The following CEP41 variants were observed in gnomAD, a reference collection of about 807,000 sequenced individuals.
CEP41 encodes centrosomal protein 41.
CEP41 carries 32 observed loss-of-function variants against 44.3 expected under a neutral mutation model. The observed-to-expected ratio is 0.72, with a 90% CI of 0.54 to 0.97. The LOEUF (loss-of-function observed/expected upper bound fraction) is 0.97, where lower values mean the gene tolerates loss of function less well. CEP41 is among the 50% of genes least tolerant of loss of function. CEP41 has a pLI of 0.00. For missense variants in CEP41, 432 were observed against 455.2 expected, an observed-to-expected ratio of 0.95 and a Z score of 0.46; for synonymous variants, 151 against 168.5, an observed-to-expected ratio of 0.90 and a Z score of 0.80.
chr7:130,410,271 C>T (rs1562983485), intron 5 of CEP41, among the ~76,000 whole-genome samples: 1 of 151,958 alleles, frequency 6.6e-6, no homozygotes, highest in Non-Finnish European at 1.5e-5. Context: ...TCGTGATCTG[C>T]CCGCCTTGGC....
rs147207980 is a variant in CEP41, at chr7:130,395,995, C to T, written c.*2896G>A. ...CAGCCCAGGGTGTTCCTTTTGTTTT[C>T]AAATAAGTAATGTAGCTTTCTCCTT... On this transcript the variant is annotated 3_prime_UTR_variant, in exon 11 of 11. Coordinates refer to ENST00000223208, the MANE Select transcript of CEP41 (RefSeq NM_018718.3). 337 of 453,884 alleles carry T rather than the reference C, an allele frequency of 7.4e-4. 2 individuals are homozygous for T. The East Asian group carries it at 0.022, about 30-fold the overall frequency. The allele number at this position is 453,884 out of a possible 1,614,324, so 28.1% of individuals were successfully genotyped here.
Position 130,412,188 on chromosome 7 carries a change from A to C in CEP41, c.198T>G (p.Phe66Leu). ...ELFKRLKVTTFAQLIIQVASL... is the reference protein window; with the variant it reads ...ELFKRLKVTTLAQLIIQVASL... Reference sequence around the variant, plus strand: ...AAATCAAGAAACTTACCAGCTGGGCAAAAGTTGTAACTTTTAGTCTCTTGA... The same window carrying C: ...AAATCAAGAAACTTACCAGCTGGGCCAAAGTTGTAACTTTTAGTCTCTTGA... Residue 66 changes from phenylalanine (F) to leucine (L), a missense_variant, in exon 4 of 11, where the codon TTT (phenylalanine) becomes TTG (leucine). Phe to Leu is a conservative substitution (Grantham distance 22). Transcript: ENST00000223208. 6.5e-7 allele frequency: 1 copy of C among 1,549,808 alleles called. No homozygotes were observed. Among genetic ancestry groups the C allele is most frequent in the South Asian group, 1.1e-5 (1 of 89,736 alleles).
intron 1 of CEP41, 119 bp downstream of exon 1, chr7:130,440,795 CTGCATCCCGACCCCTCCTCA>C: frequency 6.9e-6 from 5 of 727,036 alleles, no homozygotes; most frequent in Non-Finnish European, 9.6e-6. Context: ...CGCCCCGCCC[CTGCATCCCGACCCCTCCTCA>C]CGCCGGCCCC....
intron 1 of CEP41, among the ~76,000 whole-genome samples, chr7:130,428,317 G>C (rs940004576): frequency 1.3e-5 from 2 of 151,328 alleles, no homozygotes; most frequent in South Asian, 2.1e-4. Flanking sequence ...CCAGCTACTC[G>C]GGAGGCCGAG....
In CEP41 at chr7:130,401,900, G is replaced by A; in HGVS notation, c.623C>T (p.Ser208Leu). The A allele has an allele frequency of 6.2e-7, 1 of 1,607,180 alleles. No homozygotes were observed. The highest frequency in any genetic ancestry group is 8.5e-7 in the Non-Finnish European group (1 of 1,173,808). Residue 208 changes from serine (S) to leucine (L), a missense_variant, in exon 8 of 11, where the codon TCA becomes TTA. By Grantham distance (145) the Ser-to-Leu change is moderately radical. Coordinates refer to ENST00000223208, the MANE Select transcript of CEP41 (RefSeq NM_018718.3). ...ATLSRTMNPY[S>L]NDILEYKNAH... is the part of the protein sequence containing the mutation. ...GGATACATATTCAAGAATATCATTT[G>A]AATAAGGGTTCATTGTTCTAGACAG...
rs139123547 is a variant in CEP41, at chr7:130,400,156, G to A, written c.856C>T (p.Arg286Ter). The change falls in exon 10 of 11, where the codon CGA (arginine) becomes TGA (stop). Residue 286 changes from arginine to a stop codon, truncating the protein, a stop_gained. Coordinates refer to ENST00000223208, the MANE Select transcript of CEP41 (RefSeq NM_018718.3). LOFTEE classifies it high-confidence loss of function. ...AGGGGTGGCCCTTTGGGGCTGGATC[G>A]TTTCCGGGCAGACCCAGGAGGAAGG... is the stretch of plus-strand genomic sequence containing the variant. The part of the protein sequence containing the change: ...QALPPGSARK[R>*]SSPKGPPLPA... 1.3e-5 allele frequency: 21 copies of A among 1,613,724 alleles called. No homozygotes were observed. The highest frequency in any genetic ancestry group is 2.2e-5 in the East Asian group (1 of 44,886).
intron 1 of CEP41, 91 bp downstream of exon 1, chr7:130,440,843 G>T: frequency 6.8e-7 from 1 of 1,464,142 alleles, no homozygotes; most frequent in Non-Finnish European, 9.4e-7. Flanking sequence ...CTTCCGGGCG[G>T]CGGAAGTCGC....
Position 130,411,176 on chromosome 7 carries a change from A to T in CEP41, c.223T>A (p.Ser75Thr). The T allele has an allele frequency of 1.2e-6, 2 of 1,613,826 alleles. No individual in the cohort carries two copies. The highest frequency in any genetic ancestry group is 1.7e-6 in the Non-Finnish European group (2 of 1,179,710). The change falls in exon 5 of 11, where the codon TCC (serine) becomes ACC (threonine). Residue 75 changes from serine to threonine, a missense_variant. Transcript: ENST00000223208. ...ACTTCCAGTGTTTGATCAGAGAGGG[A>T]AGCAACTTGGATGATCTGATAGAAA... is the stretch of plus-strand genomic sequence containing the variant. ...TFAQLIIQVASLSDQTLEVTA... is the reference protein window; with the variant it reads ...TFAQLIIQVATLSDQTLEVTA...
chr7:130,440,776 A>AC, intron 1 of CEP41, 158 bp downstream of exon 1: 6 of 567,122 alleles, frequency 1.1e-5, no homozygotes, highest in Non-Finnish European at 6.4e-6. Flanking sequence ...GCGGCCCCCA[A>AC]GCCCGGCCCG....
intron 1 of CEP41, 152 bp downstream of exon 1, chr7:130,440,782 G>GCCCC: frequency 1.1e-5 from 6 of 531,114 alleles, no homozygotes; most frequent in Admixed American, 2.4e-5. Flanking sequence ...CCCAAGCCCG[G>GCCCC]CCCGCCCCGC....
chr7:130,393,951 C>G lies in CEP41; in HGVS notation c.*4940G>C, dbSNP rs782015758. The stretch of plus-strand genomic sequence containing the variant: ...TGGAGCACCTGTCTTCAAGATAAGA[C>G]AGCAGACACAGGCGGTGGAAATGTG... On this transcript the variant is annotated 3_prime_UTR_variant, in exon 11 of 11. Coordinates refer to ENST00000223208, the MANE Select transcript of CEP41 (RefSeq NM_018718.3). 2.0e-5 allele frequency: 9 copies of G among 453,962 alleles called. No homozygotes were observed. The highest frequency in any genetic ancestry group is 6.0e-5 in the African/African-American group (3 of 49,976). The allele number at this position is 453,962 out of a possible 1,614,324, so 28.1% of individuals were successfully genotyped here.
intron 8 of CEP41, 55 bp from the exon 9 acceptor site, chr7:130,400,876 C>T (rs1244749994): frequency 1.9e-5 from 21 of 1,129,722 alleles, no homozygotes; most frequent in Admixed American, 3.8e-5. Flanking sequence ...CCCAAGACTA[C>T]GAGAAACCCC....
Position 130,395,699 on chromosome 7 carries a change from A to AT in CEP41, c.*3191dup, listed in dbSNP as rs1220603413. 4.4e-6 allele frequency: 2 copies of AT among 453,788 alleles called. No homozygotes were observed. Among genetic ancestry groups the AT allele is most frequent in the Admixed American group, 2.4e-5 (1 of 42,510 alleles). 28.1% of individuals were successfully genotyped at this position (453,788 alleles called of 1,614,324 possible). On this transcript the variant is annotated 3_prime_UTR_variant, in exon 11 of 11. Coordinates refer to ENST00000223208, the MANE Select transcript of CEP41 (RefSeq NM_018718.3). ...CCACAAGGGAATTAGAGAAAACACG[A>AT]TTTTTTGTTTTGTTCTGTTTTCTTG...
intron 2 of CEP41, chr7:130,422,148 C>T (rs1265974343): frequency 2.0e-6 from 2 of 978,056 alleles, no homozygotes; most frequent in Non-Finnish European, 2.9e-6. Flanking sequence ...AGGAAGATAG[C>T]AGTCTTTGAA....
chr7:130,410,401 C>T (rs1388991306), intron 5 of CEP41, among the ~76,000 whole-genome samples: 1 of 152,098 alleles, frequency 6.6e-6, no homozygotes, highest in Non-Finnish European at 1.5e-5. Flanking sequence ...CCACAACATC[C>T]TGCATCTTTC....
Position 130,397,103 on chromosome 7 carries a change from G to A in CEP41, c.*1788C>T, listed in dbSNP as rs1178475551. ...TGTCCATGCTAGGGGAAAGCTGAGT[G>A]TGGAAAAATGTGCATTTTTCTATCT... is the stretch of plus-strand genomic sequence containing the variant. On this transcript the variant is annotated 3_prime_UTR_variant, in exon 11 of 11. Transcript: ENST00000223208. 1 of 454,390 alleles carries A rather than the reference G, an allele frequency of 2.2e-6. No individual in the cohort carries two copies. The highest frequency in any genetic ancestry group is 2.0e-5 in the African/African-American group (1 of 50,000). 28.1% of individuals were successfully genotyped at this position (454,390 alleles called of 1,614,324 possible). A position where few individuals can be genotyped will look rare whatever the true frequency, so the allele number is the denominator to read the frequency against.
Position 130,438,108 on chromosome 7 carries a change from T to C in CEP41, c.33+2826A>G, listed in dbSNP as rs1798030635. ...TCTCCCATATTCTTGATCTCACTCATGGCGCCAGCACCAATGAGTAGTCTA... is the reference window on the plus strand; with the variant it reads ...TCTCCCATATTCTTGATCTCACTCACGGCGCCAGCACCAATGAGTAGTCTA... On this transcript the variant is annotated intron_variant, in intron 1 of 10. Coordinates refer to ENST00000223208, the MANE Select transcript of CEP41 (RefSeq NM_018718.3). Among the ~76,000 whole-genome samples the C allele has an allele frequency of 2.6e-5, 4 of 152,198 alleles. No homozygotes were observed. In the South Asian group the frequency reaches 8.3e-4, roughly 32 times the overall value.
chr7:130,413,057 T>A (rs2117611729), intron 3 of CEP41, among the ~76,000 whole-genome samples: 1 of 152,018 alleles, frequency 6.6e-6, no homozygotes, highest in South Asian at 2.1e-4. Context: ...AGTGGTGTGA[T>A]CTCGGCTCTC....
intron 1 of CEP41, among the ~76,000 whole-genome samples, chr7:130,439,404 G>A (rs1485940431): frequency 2.0e-5 from 3 of 151,854 alleles, no homozygotes; most frequent in Non-Finnish European, 4.4e-5. Flanking sequence ...TCTACTGGGG[G>A]TTATGAGTCT....
Sources: gnomAD v4.1 joint callset for allele counts (sites outside exome capture counted in the v4.1 genomes callset) on GRCh38, gnomAD v4.1.1 for gene constraint, MANE v1.5 for transcripts, NCBI Gene and HGNC (gene_info 2026-07-23, HGNC 2026-07-21) for gene names.